The following PROS1 variants were observed in gnomAD, a reference collection of about 807,000 sequenced individuals.
The protein encoded by PROS1 is protein S, also known as vitamin K-dependent protein S.
A neutral mutation model predicts 75.9 loss-of-function variants in PROS1; 29 were observed. The ratio of observed to expected loss-of-function variants is 0.38; its 90% CI spans 0.28 to 0.52. The LOEUF (loss-of-function observed/expected upper bound fraction) is 0.52. Among genes scored for constraint, PROS1 ranks in the 20% least tolerant of loss-of-function variants. The probability of loss-of-function intolerance (pLI) is 0.83; values close to 1 mark genes in which losing one functional copy is unlikely to be tolerated. For synonymous variants in PROS1, 245 were observed against 280.6 expected (o/e 0.87, Z 1.27); for missense variants, 680 against 810.3 (o/e 0.84, Z 1.95).
At chr3:93,880,010 G>T (rs1221589490) in intron 12 of PROS1, among the ~76,000 whole-genome samples, 1 of 151,998 alleles carries the variant, frequency 6.6e-6, no homozygotes, top group Non-Finnish European at 1.5e-5. Context: ...CAGAATAGTT[G>T]GATTACTAAA....
chr3:93,939,535 C>G (rs888336819), intron 1 of PROS1, among the ~76,000 whole-genome samples: 35 of 152,274 alleles, frequency 2.3e-4, no homozygotes, highest in African/African-American at 8.2e-4. Context: ...TTCCTTACAC[C>G]TGCTCTGGCT....
In PROS1 at chr3:93,879,488, T is replaced by C. The variant is rs1279430336; in HGVS notation, c.1493-174A>G. On this transcript the variant is annotated intron_variant, in intron 12 of 14. Coordinates refer to ENST00000394236, the MANE Select transcript of PROS1 (RefSeq NM_000313.4). ...CAAAACAAAACAAACTTTTTTGTAA[T>C]GCAGGCAAGAAACATGCAAATGGAG... 5.3e-5 allele frequency among the ~76,000 whole-genome samples: 8 copies of C among 152,222 alleles called. No homozygotes were observed. In the South Asian group the frequency reaches 8.3e-4, roughly 16 times the overall value.
At chr3:93,933,584 A>G (rs1004986757) in intron 1 of PROS1, among the ~76,000 whole-genome samples, 5 of 150,916 alleles carry the variant, frequency 3.3e-5, no homozygotes, top group African/African-American at 9.7e-5. Flanking sequence ...AAAAAAAAAG[A>G]AAAAAAAAGC....
chr3:93,876,305 T>G (rs1480247041), intron 14 of PROS1, among the ~76,000 whole-genome samples: 1 of 152,156 alleles, frequency 6.6e-6, no homozygotes, highest in Admixed American at 6.5e-5. Context: ...AGTTAGATAC[T>G]ACAACTATTG....
chr3:93,881,045 C>T (rs1328109284), intron 12 of PROS1, among the ~76,000 whole-genome samples: 1 of 152,090 alleles, frequency 6.6e-6, no homozygotes, highest in Non-Finnish European at 1.5e-5. Flanking sequence ...GTAAAAAAGG[C>T]TGGGCACAGT....
At chr3:93,973,076 A>T (rs1463692871) in intron 1 of PROS1, among the ~76,000 whole-genome samples, 1 of 152,190 alleles carries the variant, frequency 6.6e-6, no homozygotes, top group Non-Finnish European at 1.5e-5. Flanking sequence ...AGTGTTAAAA[A>T]ATCCTCAGTA....
Position 93,900,864 on chromosome 3 carries a change from C to A in PROS1, c.667G>T (p.Asp223Tyr), listed in dbSNP as rs372919392. 2.5e-6 allele frequency: 4 copies of A among 1,614,056 alleles called. No homozygotes were observed. Among genetic ancestry groups the A allele is most frequent in the African/African-American group, 2.7e-5 (2 of 75,052 alleles). Residue 223 changes from aspartate (D) to tyrosine (Y), a missense_variant, in exon 7 of 15, where the codon GAT becomes TAT. Transcript: ENST00000394236. ...GTAVCKNIPG[D>Y]FECECPEGYR... The stretch of plus-strand genomic sequence containing the variant: ...CCTTCGGGGCATTCACATTCAAAAT[C>A]TCCTGGGATGTTCTTGCACACAGCT...
intron 1 of PROS1, among the ~76,000 whole-genome samples, chr3:93,962,937 G>A (rs1443068855): frequency 6.6e-6 from 1 of 152,188 alleles, no homozygotes; most frequent in African/African-American, 2.4e-5. Flanking sequence ...GGAGTCGAAA[G>A]GCTGCCAAAT....
intron 2 of PROS1, among the ~76,000 whole-genome samples, 164 bp downstream of exon 2, chr3:93,927,086 T>G (rs1176822934): frequency 6.6e-6 from 1 of 152,240 alleles, no homozygotes; most frequent in Non-Finnish European, 1.5e-5. Context: ...AAGCCCACTT[T>G]CCTTTGAAGG....
At chr3:93,968,489 T>C (rs1472246665) in intron 1 of PROS1, among the ~76,000 whole-genome samples, 2 of 152,142 alleles carry the variant, frequency 1.3e-5, no homozygotes, top group Non-Finnish European at 2.9e-5. Flanking sequence ...GACCACAACT[T>C]TCTGTTGTTT....
intron 9 of PROS1, 42 bp from the exon 10 acceptor site, chr3:93,893,164 C>A (rs1159152111): frequency 6.5e-7 from 1 of 1,528,218 alleles, no homozygotes; most frequent in Non-Finnish European, 9.0e-7. Context: ...GTAAGAAATA[C>A]AGAAAGCTCA....
chr3:93,967,181 G>T (rs920868627), intron 1 of PROS1, among the ~76,000 whole-genome samples: 10 of 152,222 alleles, frequency 6.6e-5, no homozygotes, highest in African/African-American at 2.2e-4. Flanking sequence ...TTTTCTGCAG[G>T]ATTGCTATTC....
At chr3:93,949,602 A>G (rs1161782202) in intron 1 of PROS1, among the ~76,000 whole-genome samples, 2 of 152,164 alleles carry the variant, frequency 1.3e-5, no homozygotes, top group African/African-American at 2.4e-5. Flanking sequence ...ATACAAATCT[A>G]TAAGAAAAAA....
intron 1 of PROS1, among the ~76,000 whole-genome samples, chr3:93,948,028 G>A (rs1709433274): frequency 6.6e-6 from 1 of 152,090 alleles, no homozygotes; most frequent in African/African-American, 2.4e-5. Flanking sequence ...AGTCCTGTTG[G>A]GGAAACAGAT....
At chr3:93,949,849 G>T (rs1456851626) in intron 1 of PROS1, among the ~76,000 whole-genome samples, 1 of 152,174 alleles carries the variant, frequency 6.6e-6, no homozygotes, top group East Asian at 1.9e-4. Flanking sequence ...GACAGTGGGT[G>T]CAGCCCACAG....
intron 1 of PROS1, among the ~76,000 whole-genome samples, chr3:93,935,256 TC>T (rs998888438): frequency 1.3e-5 from 2 of 152,180 alleles, no homozygotes; most frequent in African/African-American, 4.8e-5. Flanking sequence ...TGGTTATGTT[TC>T]CTAATGCTAC....
rs886058921 is a variant in PROS1, at chr3:93,873,074, TCAAA to T, written c.*1167_*1170del. The T allele has an allele frequency of 3.9e-5, 6 of 152,354 alleles. No individual in the cohort carries two copies. The highest frequency in any genetic ancestry group is 1.9e-4 in the East Asian group (1 of 5,186). 9.4% of individuals were successfully genotyped at this position (152,354 alleles called of 1,614,324 possible). The stretch of plus-strand genomic sequence containing the variant: ...TGTCTATTATGTAATTTTGTTTTAT[TCAAA>T]CAGTTGATATAATAAAGATATTCAC... On this transcript the variant is annotated 3_prime_UTR_variant, in exon 15 of 15. Coordinates refer to ENST00000394236, the MANE Select transcript of PROS1 (RefSeq NM_000313.4).
At chr3:93,965,086 G>A (rs1425409862) in intron 1 of PROS1, among the ~76,000 whole-genome samples, 1 of 152,192 alleles carries the variant, frequency 6.6e-6, no homozygotes, top group Non-Finnish European at 1.5e-5. Context: ...TATTGCCTGA[G>A]AGCACAGCGG....
chr3:93,951,500 T>G (rs2107243587), intron 1 of PROS1, among the ~76,000 whole-genome samples: 1 of 152,238 alleles, frequency 6.6e-6, no homozygotes, highest in South Asian at 2.1e-4. Context: ...AAACGAAGCT[T>G]CATAAGTGAA....
Sources: allele counts gnomAD v4.1 joint callset (sites outside exome capture counted in the v4.1 genomes callset), GRCh38; gene constraint gnomAD v4.1.1; transcripts MANE v1.5; gene names NCBI Gene and HGNC (gene_info 2026-07-23, HGNC 2026-07-21).